The following STAB1 variants were observed in gnomAD, a reference collection of about 807,000 sequenced individuals.
STAB1 encodes the protein stabilin-1.
Under a neutral mutation model 332.4 loss-of-function variants are expected in STAB1, and 250 were observed. The ratio of observed to expected loss-of-function variants is 0.75; its 90% CI spans 0.68 to 0.84. The LOEUF is 0.84. STAB1 is among the 40% of genes least tolerant of loss of function. The pLI is 0.00. For missense variants in STAB1, 3,249 were observed against 3,489.7 expected, an observed-to-expected ratio of 0.93 and a Z score of 1.74; for synonymous variants, 1,475 against 1,390.4, an observed-to-expected ratio of 1.06 and a Z score of -1.35.
chr3:52,503,994 C>A, intron 9 of STAB1, 34 bp from the exon 10 acceptor site: 1 of 1,609,828 alleles, frequency 6.2e-7, no homozygotes, highest in Non-Finnish European at 8.5e-7. Context: ...GGGGCCTCAG[C>A]CTCCGCCCTG....
In STAB1 at chr3:52,514,178, C is replaced by T. The variant is rs139838594; in HGVS notation, c.3511C>T (p.Arg1171Cys). ...CTACACCATCTTTGTGCCCACCAACCGCTCCCTGGAGGCCCAGGGCAACAG... is the reference window on the plus strand; with the variant it reads ...CTACACCATCTTTGTGCCCACCAACTGCTCCCTGGAGGCCCAGGGCAACAG... Reference protein sequence around the residue: ...TAYTIFVPTNRSLEAQGNSSH... With the variant: ...TAYTIFVPTNCSLEAQGNSSH... The change falls in exon 33 of 69, where the codon CGC (arginine) becomes TGC (cysteine). Residue 1171 changes from arginine to cysteine, a missense_variant. By Grantham distance (180) the Arg-to-Cys change is radical (BLOSUM62 -3). Transcript: ENST00000321725. 5,011 of 1,613,364 alleles carry T rather than the reference C, an allele frequency of 3.1e-3. 17 individuals carry two copies. Among genetic ancestry groups the T allele is most frequent in the Non-Finnish European group, 3.9e-3 (4,606 of 1,179,988 alleles).
intron 36 of STAB1, 90 bp from the exon 37 acceptor site, chr3:52,515,333 C>A: frequency 7.8e-7 from 1 of 1,274,368 alleles, no homozygotes; most frequent in Non-Finnish European, 1.1e-6. Flanking sequence ...AGCTGCCTGA[C>A]ACCTGTAGTC....
Position 52,522,390 on chromosome 3 carries a change from G to A in STAB1, c.6526G>A (p.Glu2176Lys), listed in dbSNP as rs1239888333. ...YVGDGLQCLE[E>K]SEPPVDRCLG... ...AGGCGATGGACTGCAGTGTCTGGAG[G>A]AGTCGGAACCACCTGTGGACCGCTG... The change falls in exon 60 of 69, where the codon GAG becomes AAG. Residue 2176 changes from glutamate (E) to lysine (K), a missense_variant. Glu to Lys is a moderately conservative substitution (Grantham distance 56). Transcript: ENST00000321725. The A allele has an allele frequency of 1.2e-6, 2 of 1,612,916 alleles. No individual in the cohort carries two copies. Among genetic ancestry groups the A allele is most frequent in the African/African-American group, 1.3e-5 (1 of 74,942 alleles).
intron 14 of STAB1, 88 bp from the exon 15 acceptor site, chr3:52,505,580 C>T: frequency 7.2e-7 from 1 of 1,386,934 alleles, no homozygotes; most frequent in Non-Finnish European, 9.9e-7. Flanking sequence ...TGGGAGTTTC[C>T]TGCAGGCCAA....
In STAB1 at chr3:52,523,068, C is replaced by T. The variant is rs1361412229; in HGVS notation, c.6954C>T (p.Ile2318=). ...RCRNGFVGDG[I]STCNGKLLDV... ...GAAATGGCTTCGTGGGTGACGGGATCAGCACGTGCAATGGGAAGCTGCTGG... is the reference window on the plus strand; with the variant it reads ...GAAATGGCTTCGTGGGTGACGGGATTAGCACGTGCAATGGGAAGCTGCTGG... Residue 2318 remains isoleucine, a synonymous_variant, in exon 63 of 69, where the codon ATC becomes ATT. Transcript: ENST00000321725. The T allele has an allele frequency of 6.4e-7, 1 of 1,570,652 alleles. No individual in the cohort carries two copies. Among genetic ancestry groups the T allele is most frequent in the Non-Finnish European group, 8.6e-7 (1 of 1,156,196 alleles).
At chr3:52,515,983 C>T in intron 37 of STAB1, 60 bp from the exon 38 acceptor site, 1 of 1,500,658 alleles carries the variant, frequency 6.7e-7, no homozygotes. Context: ...CCCCCGTTCC[C>T]CTTCCCCCTG....
intron 10 of STAB1, 23 bp from the exon 11 acceptor site, chr3:52,504,438 T>G (rs1708692361): frequency 6.2e-7 from 1 of 1,613,000 alleles, no homozygotes. Flanking sequence ...TCCCTTCTGA[T>G]GCTCCCTCAC....
At position 52,505,024 on chromosome 3, in the gene STAB1, G is replaced by A; in HGVS notation, c.1399G>A (p.Asp467Asn). The A allele has an allele frequency of 6.2e-7, 1 of 1,613,814 alleles. No individual in the cohort carries two copies. Among genetic ancestry groups the A allele is most frequent in the Non-Finnish European group, 8.5e-7 (1 of 1,180,002 alleles). The change falls in exon 13 of 69, where the codon GAC (aspartate) becomes AAC (asparagine). Residue 467 changes from aspartate to asparagine, a missense_variant. By Grantham distance (23) the Asp-to-Asn change is conservative (BLOSUM62 1). Coordinates refer to ENST00000321725, the MANE Select transcript of STAB1 (RefSeq NM_015136.3). ...QFTKYSYKYK[D>N]QPQQTFNIYK... ...CCAGAAATACTCCTACAAGTACAAAGACCAGCCCCAGCAGACGTTCAACAT... is the reference window on the plus strand; with the variant it reads ...CCAGAAATACTCCTACAAGTACAAAAACCAGCCCCAGCAGACGTTCAACAT...
rs1340828924 is a variant in STAB1, at chr3:52,517,042, G to A, written c.4422G>A (p.Lys1474=). 2 of 1,605,838 alleles carry A rather than the reference G, an allele frequency of 1.2e-6. No individual in the cohort carries two copies. The highest frequency in any genetic ancestry group is 2.2e-5 in the East Asian group (1 of 44,760). ...GGCSPHANCT[K]VAPGQRTCTC... ...GCTCCCCTCATGCCAACTGTACCAA[G>A]GTGGCACCTGGGCAGCGGACATGCA... is the stretch of plus-strand genomic sequence containing the variant. The change falls in exon 42 of 69, where the codon AAG becomes AAA. Residue 1474 remains lysine (K), a synonymous_variant. Transcript: ENST00000321725.
chr3:52,516,077 T>G lies in STAB1; in HGVS notation c.3983T>G (p.Leu1328Arg), dbSNP rs780937570. The change falls in exon 38 of 69, where the codon CTG becomes CGG. Residue 1328 changes from leucine to arginine, a missense_variant. Coordinates refer to ENST00000321725, the MANE Select transcript of STAB1 (RefSeq NM_015136.3). ...PDCCPGFFGT[L>R]CEPCPGGLGG... is the part of the protein sequence containing the mutation. ...TGCTGCCCTGGTTTCTTTGGCACGC[T>G]GTGTGAGCCATGCCCAGGGGGTCTA... 3.7e-6 allele frequency: 6 copies of G among 1,611,274 alleles called. No homozygotes were observed. The highest frequency in any genetic ancestry group is 5.1e-6 in the Non-Finnish European group (6 of 1,178,988).
At position 52,504,847 on chromosome 3, in the gene STAB1, G is replaced by A. The variant is rs1708727500; in HGVS notation, c.1348G>A (p.Glu450Lys). The A allele has an allele frequency of 3.7e-6, 6 of 1,613,688 alleles. No homozygotes were observed. Among genetic ancestry groups the A allele is most frequent in the East Asian group, 2.2e-5 (1 of 44,896 alleles). ...AAGGTGGTGGACGCTGGCCGGGCAGGAGATCACCGTCACCTTTAACCAATT... is the reference window on the plus strand; with the variant it reads ...AAGGTGGTGGACGCTGGCCGGGCAGAAGATCACCGTCACCTTTAACCAATT... ...TRRWWTLAGQ[E>K]ITVTFNQFTK... Residue 450 changes from glutamate to lysine, a missense_variant, in exon 12 of 69, where the codon GAG becomes AAG. Physicochemically the swap from Glu to Lys is moderately conservative, Grantham distance 56. Transcript: ENST00000321725.
At chr3:52,500,548 G>A (rs1029031344) in intron 1 of STAB1, among the ~76,000 whole-genome samples, 36 of 152,360 alleles carry the variant, frequency 2.4e-4, no homozygotes, top group African/African-American at 8.7e-4. Flanking sequence ...TGGTAGCAAC[G>A]TGGGAAAATG....
Position 52,520,834 on chromosome 3 carries a change from C to T in STAB1, c.5737C>T (p.Pro1913Ser). Reference protein sequence around the residue: ...GSPEACWRFYPKFWTSPPLHS... With the variant: ...GSPEACWRFYSKFWTSPPLHS... ...CCCTGAGGCCTGCTGGCGCTTCTAC[C>T]CGAAGTTCTGGACGTCCCCTCCGCT... Residue 1913 changes from proline (P) to serine (S), a missense_variant, in exon 55 of 69, where the codon CCG becomes TCG. Coordinates refer to ENST00000321725, the MANE Select transcript of STAB1 (RefSeq NM_015136.3). The T allele has an allele frequency of 1.2e-6, 2 of 1,612,838 alleles. No homozygotes were observed. Among genetic ancestry groups the T allele is most frequent in the African/African-American group, 2.7e-5 (2 of 75,072 alleles).
At chr3:52,513,619 G>T in intron 30 of STAB1, 98 bp from the exon 31 acceptor site, 3 of 1,258,614 alleles carry the variant, frequency 2.4e-6, no homozygotes, top group East Asian at 2.5e-5. Flanking sequence ...GACCACCTGT[G>T]GGTGCCTGTG....
At chr3:52,499,353 T>C (rs1188075532) in intron 1 of STAB1, among the ~76,000 whole-genome samples, 2 of 152,254 alleles carry the variant, frequency 1.3e-5, no homozygotes, top group African/African-American at 4.8e-5. Flanking sequence ...ACTCCAGGCC[T>C]GGGGCTTTTG....
chr3:52,507,083 C>T (rs1156953037), intron 18 of STAB1, among the ~76,000 whole-genome samples: 4 of 152,354 alleles, frequency 2.6e-5, no homozygotes, highest in Admixed American at 1.3e-4. Flanking sequence ...CTTGCTCTGT[C>T]GCCTAGGCTG....
chr3:52,518,561 G>A lies in STAB1; in HGVS notation c.4835G>A (p.Gly1612Glu). ...GAATATAAGGAGCTCAAGGGCGATG[G>A]GCCTTTCACCATCTTCGTGCCGCAC... ...LLEYKELKGD[G>E]PFTIFVPHAD... is the part of the protein sequence containing the mutation. The change falls in exon 47 of 69, where the codon GGG (glycine) becomes GAG (glutamate). Residue 1612 changes from glycine (G) to glutamate (E), a missense_variant. Transcript: ENST00000321725. The A allele has an allele frequency of 1.3e-6, 2 of 1,596,864 alleles. No individual in the cohort carries two copies. The highest frequency in any genetic ancestry group is 8.5e-7 in the Non-Finnish European group (1 of 1,171,726).
chr3:52,512,752 G>T, intron 28 of STAB1, 76 bp from the exon 29 acceptor site: 1 of 1,608,368 alleles, frequency 6.2e-7, no homozygotes, highest in Non-Finnish European at 8.5e-7. Flanking sequence ...GGCAGGGCTG[G>T]AGCCTAGAGC....
chr3:52,515,600 A>G, intron 37 of STAB1, 94 bp downstream of exon 37: 7 of 1,349,364 alleles, frequency 5.2e-6, no homozygotes, highest in Non-Finnish European at 7.3e-6. Context: ...GATCTTAAGG[A>G]CAGAGACTGG....
Sources: allele counts gnomAD v4.1 joint callset (sites outside exome capture counted in the v4.1 genomes callset), GRCh38; gene constraint gnomAD v4.1.1; transcripts MANE v1.5; gene names NCBI Gene and HGNC (gene_info 2026-07-23, HGNC 2026-07-21).